JAG2: variants seen among roughly 807,000 people sequenced by gnomAD.
The protein encoded by JAG2 is protein jagged-2.
JAG2 carries 46 observed loss-of-function variants against 141.7 expected under a neutral mutation model. The observed-to-expected ratio is 0.32, with a 90% CI of 0.26 to 0.42. The LOEUF is 0.42. Among genes scored for constraint, JAG2 ranks in the 10% least tolerant of loss-of-function variants. JAG2 has a pLI of 1.00. For synonymous variants in JAG2, 862 were observed against 763.5 expected, an observed-to-expected ratio of 1.13 and a Z score of -2.13; for missense variants, 1,500 against 1,817.5, an observed-to-expected ratio of 0.83 and a Z score of 3.18.
intron 2 of JAG2, among the ~76,000 whole-genome samples, chr14:105,163,950 C>G (rs372951024): frequency 2.0e-5 from 3 of 152,232 alleles, no homozygotes; most frequent in African/African-American, 7.2e-5. Context: ...CACTCCACCA[C>G]CAGCAGCAGC....
In JAG2 at chr14:105,167,920, G is replaced by T; in HGVS notation, c.254C>A (p.Thr85Lys). Residue 85 changes from threonine (T) to lysine (K), a missense_variant, in exon 2 of 26, where the codon ACG (threonine) becomes AAG (lysine). Physicochemically the swap from Thr to Lys is moderately conservative, Grantham distance 78. This residue lies in a region of JAG2 where 200 missense variants were observed against 174.3 expected (regional missense o/e 1.15). Coordinates refer to ENST00000331782, the MANE Select transcript of JAG2 (RefSeq NM_002226.5). The surrounding 1 kb of genome is among the most constrained non-coding windows in gnomAD (Gnocchi z 4.8). ...LKEYQAKVTPTGPCSYGHGAT... is the reference protein window; with the variant it reads ...LKEYQAKVTPKGPCSYGHGAT... ...GCCGTGGCCGTAGCTGCAGGGCCCC[G>T]TGGGCGTCACCTTGGCCTGGTACTC... 1 of 1,597,686 alleles carries T rather than the reference G, an allele frequency of 6.3e-7. No individual in the cohort carries two copies. Among genetic ancestry groups the T allele is most frequent in the South Asian group, 1.1e-5 (1 of 89,928 alleles).
At chr14:105,151,555 A>C in intron 8 of JAG2, 71 bp downstream of exon 8, 1 of 1,388,144 alleles carries the variant, frequency 7.2e-7, no homozygotes, top group Non-Finnish European at 1.0e-6. Flanking sequence ...CCCCATCCCC[A>C]GCGAGTTGCC....
rs1225312355 is a variant in JAG2, at chr14:105,142,789, G to A, written c.3623C>T (p.Ser1208Leu). 4.3e-6 allele frequency: 7 copies of A among 1,610,674 alleles called. No individual in the cohort carries two copies. Among genetic ancestry groups the A allele is most frequent in the African/African-American group, 1.3e-5 (1 of 74,882 alleles). The change falls in exon 26 of 26, where the codon TCG becomes TTG. Residue 1208 changes from serine (S) to leucine (L), a missense_variant. Physicochemically the swap from Ser to Leu is moderately radical, Grantham distance 145. Around this residue, in one of 3 missense-constraint regions of JAG2, gnomAD observed 425 missense variants for 441.0 expected, o/e 0.96. Coordinates refer to ENST00000331782, the MANE Select transcript of JAG2 (RefSeq NM_002226.5). The part of the protein sequence containing the change: ...SHKFTKDPGR[S>L]PGRPAHWASG... ...GGCCCAGTGGGCCGGCCTCCCCGGC[G>A]AGCGGCCAGGATCTTTGGTGAATTT...
chr14:105,151,620 A>G lies in JAG2; in HGVS notation c.1153+6T>C. On this transcript the variant is annotated splice_donor_region_variant and intron_variant, in intron 8 of 25. Transcript: ENST00000331782. ...AGGAGTCCCCTACTCACGTGCAGAC[A>G]CTCACCAAGGGCACAGGTGGGCCCG... 6.3e-7 allele frequency: 1 copy of G among 1,598,550 alleles called. No homozygotes were observed. Among genetic ancestry groups the G allele is most frequent in the Non-Finnish European group, 8.5e-7 (1 of 1,172,686 alleles).
At chr14:105,168,128 G>T (rs1320051395) in intron 1 of JAG2, 21 bp from the exon 2 acceptor site, 2 of 1,497,748 alleles carry the variant, frequency 1.3e-6, no homozygotes, top group African/African-American at 1.4e-5. Context: ...GGCAGCGGGA[G>T]AGCGGAGGGA....
intron 2 of JAG2, among the ~76,000 whole-genome samples, chr14:105,166,668 G>A (rs1330654229): frequency 6.6e-6 from 1 of 152,216 alleles, no homozygotes; most frequent in African/African-American, 2.4e-5. Context: ...CACAGGACTG[G>A]GAGCCACACA....
At chr14:105,156,298 C>T (rs1157603759) in intron 3 of JAG2, among the ~76,000 whole-genome samples, 12 of 152,138 alleles carry the variant, frequency 7.9e-5, no homozygotes, top group Admixed American at 2.6e-4. Flanking sequence ...AGAGAAGGCA[C>T]GGCTGCTGCC....
rs757555592 is a variant in JAG2 at position 105,147,838 on chromosome 14, C to A, written c.2299G>T (p.Val767Leu). 6.4e-7 allele frequency: 1 copy of A among 1,551,312 alleles called. No individual in the cohort carries two copies. The highest frequency in any genetic ancestry group is 8.7e-7 in the Non-Finnish European group (1 of 1,148,538). Residue 767 changes from valine (V) to leucine (L), a missense_variant, in exon 18 of 26, where the codon GTG (valine) becomes TTG (leucine). By Grantham distance (32) the Val-to-Leu change is conservative. Transcript: ENST00000331782. ...PNPCVNGGTC[V>L]GSGASFSCIC... Reference sequence around the variant, plus strand: ...CAGGAGAAGGAGGCCCCGCTGCCCACGCAGGTGCCACCATTCACACAGGGG... The same window carrying A: ...CAGGAGAAGGAGGCCCCGCTGCCCAAGCAGGTGCCACCATTCACACAGGGG...
Position 105,155,412 on chromosome 14 carries a change from G to A in JAG2, c.788+150C>T, listed in dbSNP as rs78842245. The A allele has an allele frequency of 3.7e-3, 3,168 of 856,840 alleles. 76 individuals are homozygous for A. In the African/African-American group the frequency reaches 0.045, roughly 12 times the overall value. 53.1% of individuals were successfully genotyped at this position (856,840 alleles called of 1,614,324 possible). Reference sequence around the variant, plus strand: ...CTCAGACACGCACCTACTGCACTAAGGAGCCTCCCGAGCTCAGGGCCCGGC... The same window carrying A: ...CTCAGACACGCACCTACTGCACTAAAGAGCCTCCCGAGCTCAGGGCCCGGC... On this transcript the variant is annotated intron_variant, in intron 5 of 25. Coordinates refer to ENST00000331782, the MANE Select transcript of JAG2 (RefSeq NM_002226.5).
chr14:105,148,535 C>A, intron 15 of JAG2, 96 bp from the exon 16 acceptor site: 2 of 842,134 alleles, frequency 2.4e-6, no homozygotes. Flanking sequence ...CAGGTGAGGA[C>A]AGAGAGGGGC....
At position 105,167,763 on chromosome 14, in the gene JAG2, G is replaced by A. The variant is rs749038559; in HGVS notation, c.411C>T (p.Ala137=). 15 of 1,459,452 alleles carry A rather than the reference G, an allele frequency of 1.0e-5. No homozygotes were observed. Among genetic ancestry groups the A allele is most frequent in the Non-Finnish European group, 2.7e-6 (3 of 1,107,858 alleles). 90.4% of individuals were successfully genotyped at this position (1,459,452 alleles called of 1,614,324 possible). ...PGLVVIPFQF[A]WPRSFTLIVE... is the part of the protein sequence containing the mutation. ...AGGGATGGAGCGCACGTACCGGCCA[G>A]GCGAACTGGAAGGGGATGACGACGA... Residue 137 remains alanine (A), a synonymous_variant, in exon 2 of 26, where the codon GCC becomes GCT. Transcript: ENST00000331782. The surrounding 1 kb of genome is among the most constrained non-coding windows in gnomAD (Gnocchi z 4.8).
At chr14:105,148,579 C>T (rs1464612652) in intron 15 of JAG2, 140 bp from the exon 16 acceptor site, 6 of 864,634 alleles carry the variant, frequency 6.9e-6, no homozygotes, top group Non-Finnish European at 1.1e-5. Flanking sequence ...GAGCTGGCCT[C>T]GGGCATGGGG....
rs749810881 is a variant in JAG2, at chr14:105,167,901, G to A, written c.273C>T (p.Gly91=). ...CGCCCAGCACGGGCGTGGCGCCGTG[G>A]CCGTAGCTGCAGGGCCCCGTGGGCG... ...KVTPTGPCSY[G]HGATPVLGGN... Residue 91 remains glycine (G), a synonymous_variant, in exon 2 of 26, where the codon GGC becomes GGT. Transcript: ENST00000331782. The surrounding 1 kb of genome is among the most constrained non-coding windows in gnomAD (Gnocchi z 4.8). The A allele has an allele frequency of 2.5e-6, 4 of 1,589,310 alleles. No homozygotes were observed. Among genetic ancestry groups the A allele is most frequent in the African/African-American group, 1.4e-5 (1 of 72,290 alleles).
chr14:105,166,454 TC>T (rs980930562), intron 2 of JAG2, among the ~76,000 whole-genome samples: 19 of 152,290 alleles, frequency 1.2e-4, no homozygotes, highest in Non-Finnish European at 2.2e-4. Context: ...GCCTGGGCCC[TC>T]CCATGCCCGC....
Position 105,142,736 on chromosome 14 carries a change from C to A in JAG2, c.3676G>T (p.Val1226Phe). 1 of 1,608,812 alleles carries A rather than the reference C, an allele frequency of 6.2e-7. No homozygotes were observed. The highest frequency in any genetic ancestry group is 8.5e-7 in the Non-Finnish European group (1 of 1,178,240). The change falls in exon 26 of 26, where the codon GTC becomes TTC. Residue 1226 changes from valine (V) to phenylalanine (F), a missense_variant. By Grantham distance (50) the Val-to-Phe change is conservative (BLOSUM62 -1). Around this residue, in one of 3 missense-constraint regions of JAG2, gnomAD observed 425 missense variants for 441.0 expected, o/e 0.96. Coordinates refer to ENST00000331782, the MANE Select transcript of JAG2 (RefSeq NM_002226.5). ...ASGPKVDNRA[V>F]RSINEARYAG... ...TAGCGGGCCTCATTGATGCTCCTGA[C>A]CGCGCGGTTGTCCACTTTGGGGCCT...
rs1888523220 is a variant in JAG2, at chr14:105,154,475, C to T, written c.788+1087G>A. On this transcript the variant is annotated intron_variant, in intron 5 of 25. Coordinates refer to ENST00000331782, the MANE Select transcript of JAG2 (RefSeq NM_002226.5). The surrounding 1 kb of genome is among the most constrained non-coding windows in gnomAD (Gnocchi z 4.4). ...GGTTGCCCTGCTGACTTCTCTGCTCCACTCTAGGGCAAAGCTGCCAGCCCC... is the reference window on the plus strand; with the variant it reads ...GGTTGCCCTGCTGACTTCTCTGCTCTACTCTAGGGCAAAGCTGCCAGCCCC... 6.6e-6 allele frequency among the ~76,000 whole-genome samples: 1 copy of T among 152,180 alleles called. No individual in the cohort carries two copies.
rs1888936346 is a variant in JAG2, at chr14:105,167,122, T to C, written c.417+635A>G. Among the ~76,000 whole-genome samples the C allele has an allele frequency of 6.6e-6, 1 of 152,090 alleles. No individual in the cohort carries two copies. The highest frequency in any genetic ancestry group is 2.1e-4 in the South Asian group (1 of 4,824). On this transcript the variant is annotated intron_variant, in intron 2 of 25. Coordinates refer to ENST00000331782, the MANE Select transcript of JAG2 (RefSeq NM_002226.5). The surrounding 1 kb of genome is among the most constrained non-coding windows in gnomAD (Gnocchi z 4.8). ...GACCAGACAGCCCCGACTCAGCTTC[T>C]GCCCCTCCAGAATAACAAAACCAAA... is the stretch of plus-strand genomic sequence containing the variant.
At position 105,148,957 on chromosome 14, in the gene JAG2, G is replaced by A. The variant is rs756710036; in HGVS notation, c.1886C>T (p.Thr629Ile). Reference protein sequence around the residue: ...NFSCICDSGFTGTYCHENIDD... With the variant: ...NFSCICDSGFIGTYCHENIDD... ...CTCACTCTCATGGCAGTAGGTGCCAGTAAAGCCACTGTCACAGATGCAGGA... is the reference window on the plus strand; with the variant it reads ...CTCACTCTCATGGCAGTAGGTGCCAATAAAGCCACTGTCACAGATGCAGGA... The change falls in exon 14 of 26, where the codon ACT becomes ATT. Residue 629 changes from threonine (T) to isoleucine (I), a missense_variant. Thr to Ile is a moderately conservative substitution (Grantham distance 89). Around this residue, in one of 3 missense-constraint regions of JAG2, gnomAD observed 875 missense variants for 1,202.2 expected, o/e 0.73. Transcript: ENST00000331782. The A allele has an allele frequency of 6.2e-7, 1 of 1,607,052 alleles. No homozygotes were observed. The highest frequency in any genetic ancestry group is 1.1e-5 in the South Asian group (1 of 90,012).
intron 16 of JAG2, 31 bp downstream of exon 16, chr14:105,148,294 GC>G: frequency 6.3e-7 from 1 of 1,592,524 alleles, no homozygotes; most frequent in Non-Finnish European, 8.6e-7. Flanking sequence ...CCTGGGGGCA[GC>G]CCCAGGCGGC....
Sources: allele counts gnomAD v4.1 joint callset (sites outside exome capture counted in the v4.1 genomes callset), GRCh38; gene constraint gnomAD v4.1.1; regional missense constraint gnomAD v4.1.1; non-coding constraint Gnocchi (gnomAD v3.1); transcripts MANE v1.5; gene names NCBI Gene and HGNC (gene_info 2026-07-23, HGNC 2026-07-21).